Variants in TAF2 observed in about 807,000 individuals in gnomAD.
TAF2 encodes transcription initiation factor TFIID subunit 2.
A neutral mutation model predicts 138.5 loss-of-function variants in TAF2; 61 were observed. The ratio of observed to expected loss-of-function variants is 0.44; its 90% CI spans 0.36 to 0.54. The LOEUF is 0.54. TAF2 is among the 20% of genes least tolerant of loss of function. The probability of loss-of-function intolerance (pLI) is 0.00; values close to 1 mark genes in which losing one functional copy is unlikely to be tolerated. For synonymous variants in TAF2, 475 were observed against 469.9 expected (o/e 1.01, Z -0.14); for missense variants, 1,090 against 1,427.9 (o/e 0.76, Z 3.81).
intron 3 of TAF2, among the ~76,000 whole-genome samples, chr8:119,815,650 G>C (rs1825410384): frequency 6.6e-6 from 1 of 151,670 alleles, no homozygotes; most frequent in South Asian, 2.1e-4. Context: ...AGGAAAAAAA[G>C]CTAGGTTACC....
At chr8:119,756,968 C>A (rs1244906315) in intron 21 of TAF2, among the ~76,000 whole-genome samples, 1 of 152,122 alleles carries the variant, frequency 6.6e-6, no homozygotes, top group Non-Finnish European at 1.5e-5. Flanking sequence ...AACTGCAATG[C>A]TTGGATATAA....
At chr8:119,816,482 T>C (rs1825486302) in intron 3 of TAF2, among the ~76,000 whole-genome samples, 5 of 152,354 alleles carry the variant, frequency 3.3e-5, no homozygotes, top group South Asian at 2.1e-4. Flanking sequence ...GTAAAATCAA[T>C]GGTAAAATCA....
At chr8:119,784,254 C>A (rs1249043354) in intron 15 of TAF2, among the ~76,000 whole-genome samples, 1 of 152,098 alleles carries the variant, frequency 6.6e-6, no homozygotes, top group African/African-American at 2.4e-5. Context: ...ATGGAAAAAT[C>A]AAAATTAGCA....
intron 6 of TAF2, among the ~76,000 whole-genome samples, chr8:119,799,999 GTTT>G (rs1380799524): frequency 6.6e-6 from 1 of 152,060 alleles, no homozygotes; most frequent in Non-Finnish European, 1.5e-5. Context: ...TGATGGGGTT[GTTT>G]TTTTCTTGTA....
intron 3 of TAF2, among the ~76,000 whole-genome samples, chr8:119,814,198 T>C (rs1330221072): frequency 2.6e-5 from 4 of 152,024 alleles, no homozygotes; most frequent in Admixed American, 1.3e-4. Flanking sequence ...AAGTAGAAGA[T>C]GAAATAGTAA....
At chr8:119,738,376 C>T (rs1287923466) in intron 25 of TAF2, among the ~76,000 whole-genome samples, 1 of 152,114 alleles carries the variant, frequency 6.6e-6, no homozygotes. Context: ...AACATTTACA[C>T]AGATAATTTC....
At chr8:119,798,473 CA>C (rs1473803020) in intron 6 of TAF2, among the ~76,000 whole-genome samples, 4 of 152,084 alleles carry the variant, frequency 2.6e-5, no homozygotes, top group Non-Finnish European at 5.9e-5. Flanking sequence ...GTGCCATCAA[CA>C]ATGACACAGG....
intron 17 of TAF2, among the ~76,000 whole-genome samples, chr8:119,780,095 C>G (rs754710791): frequency 6.6e-5 from 10 of 152,148 alleles, no homozygotes; most frequent in Non-Finnish European, 1.0e-4. Flanking sequence ...GTTCTCTCTA[C>G]TTCAACTTCA....
chr8:119,818,733 CACACA>C (rs1825639500), intron 3 of TAF2, among the ~76,000 whole-genome samples: 2 of 83,654 alleles, frequency 2.4e-5, no homozygotes, highest in African/African-American at 6.1e-5. Flanking sequence ...AAATGAAGTC[CACACA>C]CACACACACA....
At chr8:119,741,603 A>G (rs1314102159) in intron 25 of TAF2, among the ~76,000 whole-genome samples, 1 of 152,198 alleles carries the variant, frequency 6.6e-6, no homozygotes, top group African/African-American at 2.4e-5. Context: ...ACATCAAAAC[A>G]GTTTAATGTG....
intron 5 of TAF2, among the ~76,000 whole-genome samples, chr8:119,803,362 T>C (rs1476363877): frequency 1.3e-5 from 2 of 152,084 alleles, no homozygotes; most frequent in African/African-American, 4.8e-5. Flanking sequence ...TTTAGAACAG[T>C]AGACATGAAA....
rs1820022167 is a variant in TAF2, at chr8:119,747,008, A to G, written c.2879-74T>C. The G allele has an allele frequency of 6.8e-6, 10 of 1,475,162 alleles. No homozygotes were observed. In the South Asian group the frequency reaches 1.1e-4, roughly 16 times the overall value. 91.4% of individuals were successfully genotyped at this position (1,475,162 alleles called of 1,614,324 possible). ...ACATTTTAACTGTCCCAGAACCTGA[A>G]CAACAAAAGGAACTTTATAACTGGA... On this transcript the variant is annotated intron_variant, in intron 22 of 25. Transcript: ENST00000378164.
At chr8:119,766,173 T>C (rs974312912) in intron 18 of TAF2, among the ~76,000 whole-genome samples, 6 of 152,238 alleles carry the variant, frequency 3.9e-5, no homozygotes, top group African/African-American at 1.2e-4. Flanking sequence ...TCTATTGTAA[T>C]AAACTATTTC....
intron 3 of TAF2, among the ~76,000 whole-genome samples, chr8:119,816,916 C>T (rs6996250): frequency 0.58 from 88,335 of 152,060 alleles, 25,835 homozygotes; most frequent in Middle Eastern, 0.75. Flanking sequence ...CTAAAACTTT[C>T]GTCTAATAAA....
intron 17 of TAF2, among the ~76,000 whole-genome samples, chr8:119,778,943 C>T (rs1238534768): frequency 6.6e-6 from 1 of 152,122 alleles, no homozygotes; most frequent in African/African-American, 2.4e-5. Context: ...TAACTATATC[C>T]TCTAAAATGG....
In TAF2 at chr8:119,741,826, T is replaced by A. The variant is rs1471993884; in HGVS notation, c.3337+708A>T. On this transcript the variant is annotated intron_variant, in intron 25 of 25. Transcript: ENST00000378164. ...GATTTTGTTTATGTATCTTGTTTTTTCACTCCCTGTTCCTTGAGAATTTGA... is the reference window on the plus strand; with the variant it reads ...GATTTTGTTTATGTATCTTGTTTTTACACTCCCTGTTCCTTGAGAATTTGA... Among the ~76,000 whole-genome samples, 2 of 152,248 alleles carry A rather than the reference T, an allele frequency of 1.3e-5. 1 individual carries two copies. Among genetic ancestry groups the A allele is most frequent in the Non-Finnish European group, 2.9e-5 (2 of 68,044 alleles).
intron 25 of TAF2, among the ~76,000 whole-genome samples, chr8:119,741,574 T>C (rs1436318172): frequency 6.6e-6 from 1 of 152,232 alleles, no homozygotes; most frequent in African/African-American, 2.4e-5. Context: ...CGGTAAGCAA[T>C]CAACAGTCTG....
chr8:119,746,373 C>CAAAA (rs11392436), intron 23 of TAF2, among the ~76,000 whole-genome samples: 5,266 of 54,208 alleles, frequency 0.097, 532 homozygotes, highest in Middle Eastern at 0.18. Flanking sequence ...AACTCTGTCT[C>CAAAA]AAAAAAAAAA....
chr8:119,791,444 T>C lies in TAF2; in HGVS notation c.1293A>G (p.Leu431=). Residue 431 remains leucine (L), a synonymous_variant, in exon 11 of 26, where the codon CTA becomes CTG. Coordinates refer to ENST00000378164, the MANE Select transcript of TAF2 (RefSeq NM_003184.4). The stretch of plus-strand genomic sequence containing the variant: ...TATGTGGATGCTTTATTGAAAAGTG[T>C]AGATGGGAAGCCGGACTAAAAAAAA... ...GKEKDNPASH[L]HFSIKHPHTL... The C allele has an allele frequency of 2.5e-6, 4 of 1,613,638 alleles. No individual in the cohort carries two copies. Among genetic ancestry groups the C allele is most frequent in the Non-Finnish European group, 2.5e-6 (3 of 1,179,786 alleles).
Sources: gnomAD v4.1 joint callset for allele counts (sites outside exome capture counted in the v4.1 genomes callset) on GRCh38, gnomAD v4.1.1 for gene constraint, MANE v1.5 for transcripts, NCBI Gene and HGNC (gene_info 2026-07-23, HGNC 2026-07-21) for gene names.